COL9A1: variants seen among roughly 807,000 people sequenced by gnomAD.
COL9A1 encodes collagen alpha-1(IX) chain.
In COL9A1, 104 loss-of-function variants were observed where a neutral mutation model predicts 142.6. The ratio of observed to expected loss-of-function variants is 0.73; its 90% confidence interval spans 0.62 to 0.86. The LOEUF (loss-of-function observed/expected upper bound fraction) is 0.86. COL9A1 is among the 40% of genes least tolerant of loss of function. COL9A1 has a pLI of 0.00. For synonymous variants in COL9A1, 466 were observed against 396.0 expected (o/e 1.18, Z -2.10); for missense variants, 1,210 against 1,176.6 (o/e 1.03, Z -0.42).
At position 70,273,521 on chromosome 6, in the gene COL9A1, G is replaced by A. The variant is rs143889842; in HGVS notation, c.1065+526C>T. ...AGTGGAACAAAGAGCAAAATAGATA[G>A]GAAAAGCAGCCTAAGAACCTGGTCC... On this transcript the variant is annotated intron_variant, in intron 12 of 37. Transcript: ENST00000357250. Among the ~76,000 whole-genome samples the A allele has an allele frequency of 1.1e-4, 17 of 152,222 alleles. No homozygotes were observed. The East Asian group carries it at 3.3e-3, about 29-fold the overall frequency.
At position 70,255,168 on chromosome 6, in the gene COL9A1, A is replaced by G; in HGVS notation, c.1593T>C (p.Pro531=). The part of the protein sequence containing the change: ...AEGARGIPGL[P]GPKGDTGLPG... ...GACATACCGTGTCTCCTTTGGGCCCAGGGAGACCAGGAATTCCTCTAGCAC... is the reference window on the plus strand; with the variant it reads ...GACATACCGTGTCTCCTTTGGGCCCGGGGAGACCAGGAATTCCTCTAGCAC... The change falls in exon 23 of 38, where the codon CCT becomes CCC. Residue 531 remains proline (P), a synonymous_variant. Transcript: ENST00000357250. 1 of 1,614,200 alleles carries G rather than the reference A, an allele frequency of 6.2e-7. No individual in the cohort carries two copies. The highest frequency in any genetic ancestry group is 1.1e-5 in the South Asian group (1 of 91,082).
intron 37 of COL9A1, among the ~76,000 whole-genome samples, chr6:70,217,893 C>CACTTTGGG (rs1277962846): frequency 1.2e-4 from 18 of 152,204 alleles, no homozygotes; most frequent in Admixed American, 1.2e-3. Flanking sequence ...GTAATCCCAG[C>CACTTTGGG]ACTTTGGGAA....
At chr6:70,283,029 G>A in intron 6 of COL9A1, 111 bp from the exon 7 acceptor site, 1 of 1,609,006 alleles carries the variant, frequency 6.2e-7, no homozygotes, top group Non-Finnish European at 8.5e-7. Flanking sequence ...CCAGGGCCCC[G>A]CGGTCCCGCG....
chr6:70,231,630 C>G (rs1769549303), intron 36 of COL9A1, among the ~76,000 whole-genome samples: 1 of 150,874 alleles, frequency 6.6e-6, no homozygotes, highest in African/African-American at 2.4e-5. Flanking sequence ...ATCAGCAGTT[C>G]ATTTATAGAT....
At chr6:70,274,573 C>T in intron 11 of COL9A1, 146 bp downstream of exon 11, 2 of 719,886 alleles carry the variant, frequency 2.8e-6, no homozygotes, top group South Asian at 3.0e-5. Flanking sequence ...TAGTATTCCA[C>T]ATCATGGTGT....
At chr6:70,280,424 C>T in intron 10 of COL9A1, 1 of 1,198,152 alleles carries the variant, frequency 8.3e-7, no homozygotes, top group Non-Finnish European at 1.0e-6. Context: ...GGCTAGCTTC[C>T]AGGAGCCTGC....
rs150014600 is a variant in COL9A1, at chr6:70,272,423, T to C, written c.1066-335A>G. ...AAAGAGGTGCATCACAACTGGAGAG[T>C]TTACAGATTTTATTCATTTGTAGCA... On this transcript the variant is annotated intron_variant, in intron 12 of 37. Coordinates refer to ENST00000357250, the MANE Select transcript of COL9A1 (RefSeq NM_001851.6). 5.0e-3 allele frequency among the ~76,000 whole-genome samples: 755 copies of C among 151,948 alleles called. 4 individuals carry two copies. The highest frequency in any genetic ancestry group is 8.1e-3 in the Non-Finnish European group (553 of 67,964).
chr6:70,290,240 C>T (rs1026155462), intron 5 of COL9A1, among the ~76,000 whole-genome samples: 2 of 152,126 alleles, frequency 1.3e-5, no homozygotes, highest in Non-Finnish European at 2.9e-5. Context: ...AAATAATTCT[C>T]CTAGGCTATC....
At chr6:70,252,196 A>G in intron 27 of COL9A1, 23 bp from the exon 28 acceptor site, 1 of 1,614,144 alleles carries the variant, frequency 6.2e-7, no homozygotes, top group Non-Finnish European at 8.5e-7. Context: ...AGGAAGGTAG[A>G]AAAAAAGTTA....
Position 70,274,860 on chromosome 6 carries a change from G to A in COL9A1, c.976-88C>T, listed in dbSNP as rs2274583. ...AAAACTTTCATTTTATTTATTAATT[G>A]TCTACAGGATGGTTACATAAGTATG... On this transcript the variant is annotated intron_variant, in intron 10 of 37. Coordinates refer to ENST00000357250, the MANE Select transcript of COL9A1 (RefSeq NM_001851.6). The A allele has an allele frequency of 0.3, 296,434 of 1,000,456 alleles. 45,443 individuals carry two copies. Among genetic ancestry groups the A allele is most frequent in the African/African-American group, 0.4 (24,709 of 61,766 alleles). 62.0% of individuals were successfully genotyped at this position (1,000,456 alleles called of 1,614,324 possible). A position where few individuals can be genotyped will look rare whatever the true frequency, so the allele number is the denominator to read the frequency against.
At chr6:70,249,649 C>T (rs1583256024) in intron 28 of COL9A1, among the ~76,000 whole-genome samples, 2 of 152,074 alleles carry the variant, frequency 1.3e-5, no homozygotes, top group East Asian at 3.9e-4. Flanking sequence ...GCCTCAGGGA[C>T]AGGAGCAATG....
At position 70,280,846 on chromosome 6, in the gene COL9A1, C is replaced by A; in HGVS notation, c.941G>T (p.Gly314Val). 6.2e-7 allele frequency: 1 copy of A among 1,613,454 alleles called. No homozygotes were observed. The change falls in exon 10 of 38, where the codon GGA becomes GTA. Residue 314 changes from glycine to valine, a missense_variant. Gly to Val is a moderately radical substitution (Grantham distance 109). Transcript: ENST00000357250. ...PGPAGEPGKP[G>V]APGKPGTPGA... ...AGGTGTGCCAGGCTTGCCTGGAGCT[C>A]CTGGCTTTCCCGGTTCACCTGCAGG...
intron 14 of COL9A1, 116 bp downstream of exon 14, chr6:70,271,539 T>C (rs1382785885): frequency 3.7e-6 from 3 of 810,212 alleles, no homozygotes; most frequent in Non-Finnish European, 2.2e-6. Flanking sequence ...GGAATGAAAT[T>C]CATCTGCCAT....
chr6:70,258,536 T>C lies in COL9A1; in HGVS notation c.1450-1715A>G, dbSNP rs568450231. ...AAAAAGTAGGACAGAGCAAAAAGCA[T>C]TCTACACTCACCAGAGAAGAAGAGA... On this transcript the variant is annotated intron_variant, in intron 20 of 37. Coordinates refer to ENST00000357250, the MANE Select transcript of COL9A1 (RefSeq NM_001851.6). The C allele has an allele frequency of 2.0e-5, 3 of 152,284 alleles. No homozygotes were observed. The South Asian group carries it at 6.2e-4, about 32-fold the overall frequency. The allele number at this position is 152,284 out of a possible 1,614,324, so 9.4% of individuals were successfully genotyped here.
At chr6:70,266,118 C>T (rs1771994128) in intron 18 of COL9A1, among the ~76,000 whole-genome samples, 1 of 152,092 alleles carries the variant, frequency 6.6e-6, no homozygotes, top group African/African-American at 2.4e-5. Context: ...GCTTTAAATC[C>T]CAGCCTTAGT....
chr6:70,268,564 C>T (rs1233186735), intron 17 of COL9A1, among the ~76,000 whole-genome samples: 1 of 152,102 alleles, frequency 6.6e-6, no homozygotes, highest in Non-Finnish European at 1.5e-5. Flanking sequence ...TCTCTCAATC[C>T]AATGTATTTT....
chr6:70,276,216 G>C (rs185538274), intron 10 of COL9A1, among the ~76,000 whole-genome samples: 17 of 152,226 alleles, frequency 1.1e-4, no homozygotes, highest in Admixed American at 9.8e-4. Flanking sequence ...AGCACCTATG[G>C]TAATGAAATG....
chr6:70,255,184 C>A lies in COL9A1; in HGVS notation c.1577G>T (p.Gly526Val). The change falls in exon 23 of 38, where the codon GGA becomes GTA. Residue 526 changes from glycine (G) to valine (V), a missense_variant. Coordinates refer to ENST00000357250, the MANE Select transcript of COL9A1 (RefSeq NM_001851.6). ...KGDRGAEGAR[G>V]IPGLPGPKGD... ...TTTGGGCCCAGGGAGACCAGGAATT[C>A]CTCTAGCACCTTCAGCCCCCTGCAG... 1 of 1,614,168 alleles carries A rather than the reference C, an allele frequency of 6.2e-7. No homozygotes were observed. Among genetic ancestry groups the A allele is most frequent in the South Asian group, 1.1e-5 (1 of 91,082 alleles).
chr6:70,252,802 A>G (rs1771031852), intron 26 of COL9A1, among the ~76,000 whole-genome samples: 1 of 152,112 alleles, frequency 6.6e-6, no homozygotes, highest in South Asian at 2.1e-4. Flanking sequence ...TCCACCATCA[A>G]TCTCATGTGC....
Sources: gnomAD v4.1 joint callset for allele counts (sites outside exome capture counted in the v4.1 genomes callset) on GRCh38, gnomAD v4.1.1 for gene constraint, MANE v1.5 for transcripts, NCBI Gene and HGNC (gene_info 2026-07-23, HGNC 2026-07-21) for gene names.